Variants in MICU1 observed in about 807,000 individuals in gnomAD.
The protein encoded by MICU1 is mitochondrial calcium uptake 1.
In MICU1, 45 loss-of-function variants were observed where a neutral mutation model predicts 56.8. The ratio of observed to expected loss-of-function variants is 0.79; its 90% confidence interval spans 0.62 to 1.02. The LOEUF is 1.02. Among genes scored for constraint, MICU1 ranks in the 50% least tolerant of loss-of-function variants. The probability of loss-of-function intolerance (pLI) is 0.00; values close to 1 mark genes in which losing one functional copy is unlikely to be tolerated. For synonymous variants in MICU1, 186 were observed against 195.1 expected, an observed-to-expected ratio of 0.95 and a Z score of 0.39; for missense variants, 504 against 587.1, an observed-to-expected ratio of 0.86 and a Z score of 1.46.
intron 1 of MICU1, among the ~76,000 whole-genome samples, chr10:72,573,105 T>C (rs1052677735): frequency 1.4e-4 from 22 of 151,822 alleles, no homozygotes; most frequent in African/African-American, 5.3e-4. Flanking sequence ...TATAAAGCAA[T>C]ACCACATAGC....
intron 5 of MICU1, among the ~76,000 whole-genome samples, chr10:72,518,016 G>GT (rs35072052): frequency 0.59 from 88,419 of 149,914 alleles, 27,318 homozygotes; most frequent in Non-Finnish European, 0.67. Context: ...TTATTTTATT[G>GT]TGTTGTTTTC....
At chr10:72,611,581 A>C (rs1841851074) in intron 1 of MICU1, among the ~76,000 whole-genome samples, 1 of 152,100 alleles carries the variant, frequency 6.6e-6, no homozygotes, top group Admixed American at 6.6e-5. Flanking sequence ...ATCTCAAAAA[A>C]AAGAAAAAGA....
intron 6 of MICU1, among the ~76,000 whole-genome samples, chr10:72,492,259 G>C (rs7919938): frequency 0.57 from 86,257 of 151,802 alleles, 25,444 homozygotes; most frequent in Non-Finnish European, 0.67. Context: ...GATCATTCTC[G>C]CTGCTGTATT....
At chr10:72,511,903 T>C (rs1164470653) in intron 5 of MICU1, among the ~76,000 whole-genome samples, 1 of 152,040 alleles carries the variant, frequency 6.6e-6, no homozygotes, top group East Asian at 1.9e-4. Context: ...GTGGTGCCCA[T>C]CAACATTGAG....
chr10:72,460,567 T>A (rs564370582), intron 8 of MICU1, among the ~76,000 whole-genome samples: 2 of 152,324 alleles, frequency 1.3e-5, no homozygotes, highest in African/African-American at 4.8e-5. Flanking sequence ...TGCTGTTAAA[T>A]GAATTTAGAG....
At chr10:72,377,646 C>T (rs926742742) in intron 10 of MICU1, among the ~76,000 whole-genome samples, 3 of 152,076 alleles carry the variant, frequency 2.0e-5, no homozygotes, top group Admixed American at 6.6e-5. Context: ...CTAGCTACAC[C>T]TATAAATCAT....
chr10:72,448,970 C>T (rs939268080), intron 8 of MICU1, among the ~76,000 whole-genome samples: 12 of 152,216 alleles, frequency 7.9e-5, no homozygotes, highest in East Asian at 1.9e-4. Flanking sequence ...GGTCTCACTC[C>T]GTCACCCAGG....
chr10:72,446,697 C>T (rs1231368510), intron 8 of MICU1, among the ~76,000 whole-genome samples: 1 of 151,964 alleles, frequency 6.6e-6, no homozygotes, highest in African/African-American at 2.4e-5. Context: ...ATGGTTTGCA[C>T]AACAGCATTT....
chr10:72,421,016 A>ATAAT (rs1554865353), intron 9 of MICU1, among the ~76,000 whole-genome samples: 51 of 124,134 alleles, frequency 4.1e-4, no homozygotes, highest in Non-Finnish European at 5.2e-4. Flanking sequence ...AAAAAAAAAA[A>ATAAT]AATAATAATA....
At chr10:72,436,485 T>G (rs1864725771) in intron 8 of MICU1, among the ~76,000 whole-genome samples, 1 of 152,156 alleles carries the variant, frequency 6.6e-6, no homozygotes, top group Non-Finnish European at 1.5e-5. Flanking sequence ...CTAAAAATTC[T>G]AAAAATCAGA....
intron 11 of MICU1, among the ~76,000 whole-genome samples, chr10:72,372,079 T>G (rs1039210948): frequency 3.6e-4 from 50 of 138,442 alleles, no homozygotes; most frequent in Admixed American, 7.9e-4. Flanking sequence ...AAGAAAAAAA[T>G]AAATGTAGGC....
intron 4 of MICU1, among the ~76,000 whole-genome samples, chr10:72,543,529 A>C (rs1047146225): frequency 1.1e-4 from 17 of 152,022 alleles, no homozygotes; most frequent in African/African-American, 3.9e-4. Flanking sequence ...TCAATCCATC[A>C]ATCAATAAAG....
At chr10:72,459,768 A>G (rs1174999297) in intron 8 of MICU1, among the ~76,000 whole-genome samples, 1 of 152,150 alleles carries the variant, frequency 6.6e-6, no homozygotes, top group Admixed American at 6.5e-5. Context: ...CATATATCCA[A>G]TTGCCTGTAG....
In MICU1 at chr10:72,586,424, G is replaced by A. The variant is rs1327473503; in HGVS notation, c.-1-19630C>T. Among the ~76,000 whole-genome samples the A allele has an allele frequency of 3.3e-5, 5 of 152,162 alleles. No individual in the cohort carries two copies. In the South Asian group the frequency reaches 6.2e-4, roughly 19 times the overall value. On this transcript the variant is annotated intron_variant, in intron 1 of 11. Transcript: ENST00000361114. ...CCAGCACTTTGGGAGGCCAAGGCGG[G>A]TGGATCACCTCAGGTCAGGAGTTCA...
intron 8 of MICU1, among the ~76,000 whole-genome samples, chr10:72,441,397 G>A (rs143373296): frequency 6.7e-6 from 1 of 149,682 alleles, no homozygotes; most frequent in Non-Finnish European, 1.5e-5. Context: ...ACACACCAGG[G>A]CCTGTTGGGG....
At chr10:72,618,616 T>A (rs1384140661) in intron 1 of MICU1, among the ~76,000 whole-genome samples, 3 of 152,208 alleles carry the variant, frequency 2.0e-5, no homozygotes, top group African/African-American at 7.2e-5. Flanking sequence ...AATACAACTT[T>A]CGAATCTAAA....
At chr10:72,623,286 G>A (rs1442505773) in intron 1 of MICU1, among the ~76,000 whole-genome samples, 2 of 92,814 alleles carry the variant, frequency 2.2e-5, no homozygotes, top group African/African-American at 7.8e-5. Flanking sequence ...ACAAGACAGA[G>A]CGAGACTCCG....
chr10:72,478,943 G>C (rs1866204523), intron 6 of MICU1, among the ~76,000 whole-genome samples: 1 of 152,130 alleles, frequency 6.6e-6, no homozygotes, highest in Non-Finnish European at 1.5e-5. Flanking sequence ...GCCTTCAATT[G>C]CTGGGAAGGA....
chr10:72,604,207 A>G (rs1841623975), intron 1 of MICU1, among the ~76,000 whole-genome samples: 1 of 151,884 alleles, frequency 6.6e-6, no homozygotes, highest in Admixed American at 6.6e-5. Context: ...TATTCTCTCT[A>G]GAAACAAACC....
Sources: allele counts gnomAD v4.1 joint callset (sites outside exome capture counted in the v4.1 genomes callset), GRCh38; gene constraint gnomAD v4.1.1; transcripts MANE v1.5; gene names NCBI Gene and HGNC (gene_info 2026-07-23, HGNC 2026-07-21).